MXRA7: variants seen among roughly 807,000 people sequenced by gnomAD.
MXRA7 encodes matrix remodeling associated 7, also known as matrix-remodeling-associated protein 7.
A neutral mutation model predicts 17.4 loss-of-function variants in MXRA7; 18 were observed. That is an observed-to-expected ratio of 1.03 (90% CI 0.71 to 1.53). The LOEUF (loss-of-function observed/expected upper bound fraction) is 1.53, where lower values mean the gene tolerates loss of function less well. Ranked by LOEUF, MXRA7 falls within the 40% of genes most tolerant of loss-of-function variation. The pLI, the probability that MXRA7 is intolerant of heterozygous loss-of-function variation, is 0.00. For synonymous variants in MXRA7, 70 were observed against 101.7 expected (o/e 0.69, Z 1.87); for missense variants, 141 against 209.3 (o/e 0.67, Z 2.01).
At chr17:76,708,620 C>G (rs926511054) in intron 1 of MXRA7, among the ~76,000 whole-genome samples, 1 of 152,196 alleles carries the variant, frequency 6.6e-6, no homozygotes, top group African/African-American at 2.4e-5. Context: ...GTCACTGACT[C>G]GAAGCTCATC....
intron 1 of MXRA7, chr17:76,688,576 G>A: frequency 8.0e-7 from 1 of 1,257,442 alleles, no homozygotes; most frequent in Non-Finnish European, 1.0e-6. Flanking sequence ...GGGCCAGGCA[G>A]CATGGCCATC....
At chr17:76,677,564 C>T (rs746977136), downstream of MXRA7, 17 of 1,537,946 alleles carry the variant, frequency 1.1e-5, no homozygotes, top group South Asian at 3.3e-5. Context: ...CAGGCATGGC[C>T]GCTGTGCATC....
Position 76,708,443 on chromosome 17 carries a change from C to T in MXRA7, c.342+2162G>A, listed in dbSNP as rs149088947. 5.4e-4 allele frequency among the ~76,000 whole-genome samples: 82 copies of T among 152,290 alleles called. 2 individuals are homozygous for T. In the East Asian group the frequency reaches 0.014, roughly 26 times the overall value. On this transcript the variant is annotated intron_variant, in intron 1 of 3. Coordinates refer to ENST00000449428, the MANE Select transcript of MXRA7 (RefSeq NM_198530.4). ...GAGGGAGAAGGAGGCTGGCAGAGGG[C>T]ATAGCCCCACTTCCCAACCCTGATT...
downstream of MXRA7, chr17:76,677,765 C>G (rs537576341): frequency 3.6e-4 from 432 of 1,196,580 alleles, no homozygotes; most frequent in Non-Finnish European, 5.1e-4. Context: ...GAGAGGGAGC[C>G]TGTGTGCAGC....
chr17:76,707,926 C>G (rs2076680050), intron 1 of MXRA7, among the ~76,000 whole-genome samples: 2 of 152,234 alleles, frequency 1.3e-5, no homozygotes, highest in South Asian at 4.1e-4. Flanking sequence ...TTCCTCACAG[C>G]CCACCCTGTG....
In MXRA7 at chr17:76,705,162, A is replaced by G. The variant is rs142980694; in HGVS notation, c.342+5443T>C. ...ACATACTCCTTCTTGCTAAGCAGAA[A>G]ATTCTAGCTGACATTAGTCTGTAAC... On this transcript the variant is annotated intron_variant, in intron 1 of 3. Transcript: ENST00000449428. Among the ~76,000 whole-genome samples, 1,375 of 152,354 alleles carry G rather than the reference A, an allele frequency of 9.0e-3. 23 individuals carry two copies. Among genetic ancestry groups the G allele is most frequent in the African/African-American group, 0.031 (1,276 of 41,586 alleles).
intron 1 of MXRA7, among the ~76,000 whole-genome samples, chr17:76,704,328 C>T (rs1427010700): frequency 6.8e-6 from 1 of 147,820 alleles, no homozygotes; most frequent in East Asian, 2.2e-4. Context: ...GCCTCAGCCT[C>T]TCGAGTAGCT....
At chr17:76,693,993 G>A (rs1001431145) in intron 1 of MXRA7, among the ~76,000 whole-genome samples, 1 of 152,174 alleles carries the variant, frequency 6.6e-6, no homozygotes, top group African/African-American at 2.4e-5. Flanking sequence ...TTATTTTGTT[G>A]TCTGTGCAGA....
intron 1 of MXRA7, 66 bp downstream of exon 1, chr17:76,710,539 G>T: frequency 8.3e-7 from 1 of 1,198,110 alleles, no homozygotes. Flanking sequence ...CTGGCTCGGC[G>T]GGGAACGGCA....
At chr17:76,710,545 C>G in intron 1 of MXRA7, 60 bp downstream of exon 1, 1 of 1,208,150 alleles carries the variant, frequency 8.3e-7, no homozygotes, top group South Asian at 2.9e-5. Context: ...CGGCGGGGAA[C>G]GGCAGCGGCA....
At chr17:76,695,122 T>C (rs1026564853) in intron 1 of MXRA7, among the ~76,000 whole-genome samples, 1 of 152,058 alleles carries the variant, frequency 6.6e-6, no homozygotes, top group Non-Finnish European at 1.5e-5. Flanking sequence ...ATCAAGCCAT[T>C]GCACTCCAGC....
In MXRA7 at chr17:76,680,850, C is replaced by T. The variant is rs368899347; in HGVS notation, c.*17G>A. ...CCAAAAGGAAAAGCCTTTAGGAGGA[C>T]GCTAAGGATAACTTCGTTATTCTTC... is the stretch of plus-strand genomic sequence containing the variant. On this transcript the variant is annotated 3_prime_UTR_variant, in exon 4 of 4. Transcript: ENST00000449428. 1.2e-4 allele frequency: 190 copies of T among 1,609,538 alleles called. No homozygotes were observed. Among genetic ancestry groups the T allele is most frequent in the Non-Finnish European group, 1.5e-4 (171 of 1,177,894 alleles).
chr17:76,678,779 C>T (rs2076261940), downstream of MXRA7, among the ~76,000 whole-genome samples: 1 of 152,176 alleles, frequency 6.6e-6, no homozygotes, highest in African/African-American at 2.4e-5. Context: ...CACGTTCGCT[C>T]CCATACTTTT....
At chr17:76,702,667 A>G (rs2076603372) in intron 1 of MXRA7, among the ~76,000 whole-genome samples, 2 of 151,708 alleles carry the variant, frequency 1.3e-5, no homozygotes, top group African/African-American at 4.8e-5. Context: ...CTGGCCTGTA[A>G]CACGCGAAAC....
chr17:76,683,989 C>T, intron 3 of MXRA7: 1 of 1,241,954 alleles, frequency 8.1e-7, no homozygotes, highest in Non-Finnish European at 1.2e-6. Flanking sequence ...CACCTGAGGA[C>T]TCGGGGCTCC....
Position 76,680,351 on chromosome 17 carries a change from G to C in MXRA7, c.*516C>G, listed in dbSNP as rs1472746991. On this transcript the variant is annotated 3_prime_UTR_variant, in exon 4 of 4. Transcript: ENST00000449428. ...CCCCGACAACCAAGCCAGCCACAGA[G>C]AGAAGTGGGGTTCCCAGGGAAAGGG... is the stretch of plus-strand genomic sequence containing the variant. The C allele has an allele frequency of 2.2e-5, 22 of 985,486 alleles. No homozygotes were observed. Among genetic ancestry groups the C allele is most frequent in the Non-Finnish European group, 2.7e-5 (22 of 830,124 alleles). 61.0% of individuals were successfully genotyped at this position (985,486 alleles called of 1,614,324 possible). A position where few individuals can be genotyped will look rare whatever the true frequency, so the allele number is the denominator to read the frequency against.
At chr17:76,702,141 AG>A (rs889794805) in intron 1 of MXRA7, among the ~76,000 whole-genome samples, 1 of 152,224 alleles carries the variant, frequency 6.6e-6, no homozygotes, top group African/African-American at 2.4e-5. Context: ...AGAGGGTTGA[AG>A]AAAGTGACTT....
intron 1 of MXRA7, among the ~76,000 whole-genome samples, chr17:76,710,298 C>T (rs9909380): frequency 0.38 from 57,251 of 152,104 alleles, 11,817 homozygotes; most frequent in Middle Eastern, 0.5. Flanking sequence ...GGTCCCGAGG[C>T]CTGGGAGCCA....
At chr17:76,674,878 C>T (rs1405453476), downstream of MXRA7, 1 of 152,226 alleles carries the variant, frequency 6.6e-6, no homozygotes, top group East Asian at 1.9e-4. Context: ...CAAGACATGC[C>T]CTTTTCTTGC....
Sources: allele counts gnomAD v4.1 joint callset (sites outside exome capture counted in the v4.1 genomes callset), GRCh38; gene constraint gnomAD v4.1.1; transcripts MANE v1.5; gene names NCBI Gene and HGNC (gene_info 2026-07-23, HGNC 2026-07-21).